FAM53B: variants seen among roughly 807,000 people sequenced by gnomAD.
FAM53B encodes protein FAM53B.
A neutral mutation model predicts 32.7 loss-of-function variants in FAM53B; 12 were observed. The ratio of observed to expected loss-of-function variants is 0.37; its 90% confidence interval spans 0.24 to 0.59. The LOEUF is 0.59. Among genes scored for constraint, FAM53B ranks in the 20% least tolerant of loss-of-function variants. The pLI is 0.72. For synonymous variants in FAM53B, 234 were observed against 228.7 expected (o/e 1.02, Z -0.21); for missense variants, 477 against 577.7 (o/e 0.83, Z 1.79).
At chr10:124,739,043 CAA>C (rs374990179) in intron 1 of FAM53B, among the ~76,000 whole-genome samples, 2 of 107,698 alleles carry the variant, frequency 1.9e-5, no homozygotes, top group Admixed American at 9.0e-5. Context: ...CTCCAAAAAA[CAA>C]AAAAAAAAAA....
chr10:124,691,736 CCT>C (rs752179860), intron 3 of FAM53B, among the ~76,000 whole-genome samples: 32 of 152,208 alleles, frequency 2.1e-4, no homozygotes, highest in Non-Finnish European at 3.5e-4. Context: ...CTCCACTTGC[CCT>C]GTTTCACCAA....
intron 3 of FAM53B, among the ~76,000 whole-genome samples, chr10:124,694,038 A>C (rs1050618088): frequency 6.6e-6 from 1 of 152,244 alleles, no homozygotes; most frequent in African/African-American, 2.4e-5. Flanking sequence ...GGGCCGACCA[A>C]CAGAAAGATG....
intron 1 of FAM53B, among the ~76,000 whole-genome samples, chr10:124,708,578 G>C (rs192554416): frequency 7.9e-5 from 12 of 152,370 alleles, no homozygotes; most frequent in Admixed American, 3.3e-4. Context: ...TGCAAGTTCT[G>C]GCCAGGCAGC....
intron 4 of FAM53B, among the ~76,000 whole-genome samples, chr10:124,638,953 GC>G (rs1949452861): frequency 6.6e-6 from 1 of 152,218 alleles, no homozygotes; most frequent in South Asian, 2.1e-4. Context: ...TGTTCCCTGA[GC>G]CCCACAGGAC....
intron 1 of FAM53B, among the ~76,000 whole-genome samples, chr10:124,737,399 G>C (rs79573478): frequency 3.9e-5 from 6 of 152,154 alleles, no homozygotes; most frequent in African/African-American, 1.4e-4. Flanking sequence ...GGTGGGGACG[G>C]GGGATGGGTA....
chr10:124,739,074 C>A (rs1221455688), intron 1 of FAM53B, among the ~76,000 whole-genome samples: 1 of 150,588 alleles, frequency 6.6e-6, no homozygotes, highest in Admixed American at 6.6e-5. Context: ...CAAAAAAACA[C>A]ACAGCCATAG....
intron 3 of FAM53B, among the ~76,000 whole-genome samples, chr10:124,683,366 C>A (rs535086391): frequency 6.6e-6 from 1 of 152,316 alleles, no homozygotes; most frequent in East Asian, 1.9e-4. Flanking sequence ...TATCAGGGAA[C>A]AACCTGTTAG....
intron 4 of FAM53B, among the ~76,000 whole-genome samples, chr10:124,659,112 G>C (rs1479204752): frequency 6.6e-6 from 1 of 152,204 alleles, no homozygotes; most frequent in Non-Finnish European, 1.5e-5. Context: ...CACCCCTTCT[G>C]CCAGCATCTT....
intron 4 of FAM53B, among the ~76,000 whole-genome samples, chr10:124,638,250 G>A (rs1316339907): frequency 6.6e-6 from 1 of 152,054 alleles, no homozygotes; most frequent in Non-Finnish European, 1.5e-5. Context: ...GGCGCCTGTA[G>A]TCCCAGCTAC....
chr10:124,691,226 A>T (rs1214475319), intron 3 of FAM53B, among the ~76,000 whole-genome samples: 1 of 152,216 alleles, frequency 6.6e-6, no homozygotes, highest in Non-Finnish European at 1.5e-5. Context: ...TGCCCCAGGG[A>T]ACAACCCTTT....
chr10:124,657,156 ATG>A (rs1491455505), intron 4 of FAM53B, among the ~76,000 whole-genome samples: 109 of 121,714 alleles, frequency 9.0e-4, no homozygotes, highest in Non-Finnish European at 1.7e-3. Flanking sequence ...ATGTGTATAT[ATG>A]TGTGTATATA....
chr10:124,680,847 G>C (rs1178669724), intron 4 of FAM53B, among the ~76,000 whole-genome samples: 1 of 152,132 alleles, frequency 6.6e-6, no homozygotes, highest in Non-Finnish European at 1.5e-5. Flanking sequence ...AGGTCACAAG[G>C]GCCAGCACCA....
At chr10:124,710,678 C>T (rs775457926) in intron 1 of FAM53B, among the ~76,000 whole-genome samples, 3 of 152,252 alleles carry the variant, frequency 2.0e-5, no homozygotes, top group Admixed American at 6.5e-5. Flanking sequence ...GGGCACACAC[C>T]CTGCCATGGT....
At position 124,651,038 on chromosome 10, in the gene FAM53B, C is replaced by T. The variant is rs1404444216; in HGVS notation, c.907-27434G>A. ...AGACACTGGGAGCCCCCCAATCTCCCTTCAGAGGCCACTTCCTGCCCAAAC... is the reference window on the plus strand; with the variant it reads ...AGACACTGGGAGCCCCCCAATCTCCTTTCAGAGGCCACTTCCTGCCCAAAC... On this transcript the variant is annotated intron_variant, in intron 4 of 4. Transcript: ENST00000337318. The surrounding 1 kb of genome is among the most constrained non-coding windows in gnomAD (Gnocchi z 5.2). Among the ~76,000 whole-genome samples, 2 of 152,124 alleles carry T rather than the reference C, an allele frequency of 1.3e-5. No homozygotes were observed. The highest frequency in any genetic ancestry group is 4.8e-5 in the African/African-American group (2 of 41,410).
chr10:124,682,185 T>C lies in FAM53B; in HGVS notation c.328A>G (p.Ser110Gly). The stretch of plus-strand genomic sequence containing the variant: ...GACAGTGAGCGGCACTGGCGCTTGC[T>C]AGGGGGTGCTGAGGGGTTCCCGTTG... ...DHNGNPSAPP[S>G]KRQCRSLSFS... Residue 110 changes from serine (S) to glycine (G), a missense_variant, in exon 4 of 5, where the codon AGC becomes GGC. Physicochemically the swap from Ser to Gly is moderately conservative, Grantham distance 56. Around this residue, in one of 2 missense-constraint regions of FAM53B, gnomAD observed 312 missense variants for 420.2 expected, o/e 0.74. Coordinates refer to ENST00000337318, the MANE Select transcript of FAM53B (RefSeq NM_014661.4). The surrounding 1 kb of genome is among the most constrained non-coding windows in gnomAD (Gnocchi z 5.2). The C allele has an allele frequency of 6.2e-7, 1 of 1,613,786 alleles. No individual in the cohort carries two copies. Among genetic ancestry groups the C allele is most frequent in the Non-Finnish European group, 8.5e-7 (1 of 1,179,902 alleles).
intron 1 of FAM53B, among the ~76,000 whole-genome samples, chr10:124,717,914 A>G (rs1221197619): frequency 6.6e-6 from 1 of 152,150 alleles, no homozygotes. Context: ...CTCCTGCAGG[A>G]CAATCCACCC....
intron 4 of FAM53B, among the ~76,000 whole-genome samples, chr10:124,655,809 T>C (rs1949585984): frequency 6.6e-6 from 1 of 152,226 alleles, no homozygotes; most frequent in Non-Finnish European, 1.5e-5. Flanking sequence ...ATGCTCCTTG[T>C]CTTTGCAGCA....
chr10:124,659,996 G>A (rs3781454), intron 4 of FAM53B, among the ~76,000 whole-genome samples: 89,688 of 152,138 alleles, frequency 0.59, 27,399 homozygotes, highest in Non-Finnish European at 0.67. Context: ...TAGTATAGAC[G>A]GGGTTTTGCC....
At chr10:124,709,530 G>C (rs1456754536) in intron 1 of FAM53B, among the ~76,000 whole-genome samples, 5 of 152,166 alleles carry the variant, frequency 3.3e-5, no homozygotes. Context: ...AGAGTGCAGT[G>C]ACCCAGCCAA....
Sources: gnomAD v4.1 joint callset for allele counts (sites outside exome capture counted in the v4.1 genomes callset) on GRCh38, gnomAD v4.1.1 for gene constraint, gnomAD v4.1.1 regional missense constraint, Gnocchi (gnomAD v3.1) non-coding constraint, MANE v1.5 for transcripts, NCBI Gene and HGNC (gene_info 2026-07-23, HGNC 2026-07-21) for gene names.